Variants in ROS1 observed in about 807,000 individuals in gnomAD.
ROS1 encodes the protein proto-oncogene tyrosine-protein kinase ROS.
A neutral mutation model predicts 273.5 loss-of-function variants in ROS1; 263 were observed. The observed-to-expected ratio is 0.96, with a 90% CI of 0.87 to 1.06. The LOEUF (loss-of-function observed/expected upper bound fraction) is 1.06. Among genes scored for constraint, ROS1 ranks in the 50% least tolerant of loss-of-function variants. ROS1 has a pLI of 0.00. For missense variants in ROS1, 2,833 were observed against 2,751.1 expected, an observed-to-expected ratio of 1.03 and a Z score of -0.67; for synonymous variants, 1,008 against 954.1, an observed-to-expected ratio of 1.06 and a Z score of -1.04.
At position 117,337,319 on chromosome 6, in the gene ROS1, G is replaced by C. The variant is rs1400675993; in HGVS notation, c.5083C>G (p.His1695Asp). The change falls in exon 32 of 44, where the codon CAT becomes GAT. Residue 1695 changes from histidine (H) to aspartate (D), a missense_variant. By Grantham distance (81) the His-to-Asp change is moderately conservative. Transcript: ENST00000368507. ...LQKWKYNEFY[H>D]VKTSCSQGPA... ...CCTTGGCTGCATGAAGTTTTAACAT[G>C]GTAAAACTCATTGTATTTCCACTAG... 4.4e-5 allele frequency: 70 copies of C among 1,598,920 alleles called. 1 individual carries two copies. The Admixed American group carries it at 1.2e-3, about 28-fold the overall frequency.
chr6:117,332,065 A>G (rs1471983678), intron 32 of ROS1, among the ~76,000 whole-genome samples: 2 of 152,022 alleles, frequency 1.3e-5, no homozygotes, highest in Non-Finnish European at 2.9e-5. Context: ...AGGAGTCAAG[A>G]CCCATTGGTG....
chr6:117,301,009 G>A lies in ROS1; in HGVS notation c.6680C>T (p.Ala2227Val), dbSNP rs748632361. ...LNSIYKSRDE[A>V]NNSGVINESF... The stretch of plus-strand genomic sequence containing the variant: ...TTCATTTATGACTCCACTGTTGTTT[G>A]CTTCATCTCTGGACTTATAAATGCT... Residue 2227 changes from alanine (A) to valine (V), a missense_variant, in exon 43 of 44, where the codon GCA becomes GTA. By Grantham distance (64) the Ala-to-Val change is moderately conservative. Transcript: ENST00000368507. 6.3e-7 allele frequency: 1 copy of A among 1,589,644 alleles called. No homozygotes were observed. The highest frequency in any genetic ancestry group is 8.5e-7 in the Non-Finnish European group (1 of 1,170,816).
At chr6:117,378,344 A>C (rs544945952) in intron 18 of ROS1, among the ~76,000 whole-genome samples, 1 of 152,326 alleles carries the variant, frequency 6.6e-6, no homozygotes, top group East Asian at 1.9e-4. Context: ...AAAAAGAAAA[A>C]CTAGTACACA....
chr6:117,383,423 A>T lies in ROS1; in HGVS notation c.2375T>A (p.Val792Asp), dbSNP rs111621779. The change falls in exon 17 of 44, where the codon GTT becomes GAT. Residue 792 changes from valine (V) to aspartate (D), a missense_variant. Physicochemically the swap from Val to Asp is radical, Grantham distance 152 (BLOSUM62 -3). Coordinates refer to ENST00000368507, the MANE Select transcript of ROS1 (RefSeq NM_001378902.1). ...TGTGGTCCAGTAGAGATATCCACCA[A>T]CTGAATCCACCACCATGTCATTCAC... ...LLVNDMVVDS[V>D]GGYLYWTTLY... 3 of 1,613,992 alleles carry T rather than the reference A, an allele frequency of 1.9e-6. No homozygotes were observed. Among genetic ancestry groups the T allele is most frequent in the Non-Finnish European group, 2.5e-6 (3 of 1,179,896 alleles).
chr6:117,405,242 C>T (rs1774301007), intron 5 of ROS1, among the ~76,000 whole-genome samples: 1 of 152,076 alleles, frequency 6.6e-6, no homozygotes, highest in Admixed American at 6.5e-5. Context: ...AGAAAATTGA[C>T]GCAATTCTCA....
intron 24 of ROS1, 86 bp downstream of exon 24, chr6:117,359,723 C>A: frequency 1.9e-6 from 2 of 1,062,776 alleles, no homozygotes; most frequent in Non-Finnish European, 2.8e-6. Flanking sequence ...ATGACTAAAC[C>A]GTTTTCCAGT....
chr6:117,368,515 C>T (rs2128666015), intron 18 of ROS1, among the ~76,000 whole-genome samples: 1 of 152,212 alleles, frequency 6.6e-6, no homozygotes, highest in African/African-American at 2.4e-5. Flanking sequence ...TATCTCATCT[C>T]TACTACAGAC....
intron 18 of ROS1, among the ~76,000 whole-genome samples, chr6:117,369,120 C>T (rs941012680): frequency 6.6e-6 from 1 of 151,998 alleles, no homozygotes; most frequent in African/African-American, 2.4e-5. Flanking sequence ...TATAAGATGA[C>T]TCTGGAATCC....
In ROS1 at chr6:117,366,260, T is replaced by C; in HGVS notation, c.2613A>G (p.Ala871=). Residue 871 remains alanine (A), a synonymous_variant, in exon 19 of 44, where the codon GCA becomes GCG. Coordinates refer to ENST00000368507, the MANE Select transcript of ROS1 (RefSeq NM_001378902.1). ...GGGAAATTTCAGAAGTACTCCAGGC[T>C]GCAAATTCTGTGATGGTGGTATCCC... ...STGDTTITEF[A]AWSTSEISQN... is the part of the protein sequence containing the mutation. 7.4e-6 allele frequency: 12 copies of C among 1,614,092 alleles called. No individual in the cohort carries two copies. Among genetic ancestry groups the C allele is most frequent in the Non-Finnish European group, 1.0e-5 (12 of 1,179,970 alleles).
In ROS1 at chr6:117,308,933, G is replaced by A. The variant is rs2128546453; in HGVS notation, c.6417-5C>T. On this transcript the variant is annotated splice_region_variant and splice_polypyrimidine_tract_variant and intron_variant, in intron 41 of 43. Transcript: ENST00000368507. ...CAAATCAGAATTCCAAAAGACCTAA[G>A]AATAGTAGAGGGTTTGCTTTAATTA... 1 of 1,611,296 alleles carries A rather than the reference G, an allele frequency of 6.2e-7. No homozygotes were observed. Among genetic ancestry groups the A allele is most frequent in the Non-Finnish European group, 8.5e-7 (1 of 1,178,756 alleles).
chr6:117,356,527 A>G, intron 26 of ROS1, 102 bp downstream of exon 26: 1 of 1,031,502 alleles, frequency 9.7e-7, no homozygotes, highest in East Asian at 2.5e-5. Context: ...AGCAAATATC[A>G]TGTGTATATT....
At chr6:117,391,412 G>A (rs941392421) in intron 12 of ROS1, among the ~76,000 whole-genome samples, 4 of 152,136 alleles carry the variant, frequency 2.6e-5, no homozygotes, top group African/African-American at 9.7e-5. Flanking sequence ...AAGAGATCTG[G>A]TGCATGGGAA....
chr6:117,389,160 A>G (rs1013336187), intron 13 of ROS1, among the ~76,000 whole-genome samples, 190 bp downstream of exon 13: 1 of 152,256 alleles, frequency 6.6e-6, no homozygotes, highest in African/African-American at 2.4e-5. Flanking sequence ...AGAAGTATAG[A>G]GATTCTCCTA....
At chr6:117,417,947 C>T (rs1360599992) in intron 2 of ROS1, among the ~76,000 whole-genome samples, 1 of 152,196 alleles carries the variant, frequency 6.6e-6, no homozygotes, top group African/African-American at 2.4e-5. Context: ...TAATTTTATG[C>T]ATATGTCTGT....
chr6:117,342,425 C>G lies in ROS1; in HGVS notation c.4626G>C (p.Glu1542Asp). Residue 1542 changes from glutamate to aspartate, a missense_variant, in exon 29 of 44, where the codon GAG (glutamate) becomes GAC (aspartate). Glu to Asp is a conservative substitution (Grantham distance 45). Coordinates refer to ENST00000368507, the MANE Select transcript of ROS1 (RefSeq NM_001378902.1). Reference sequence around the variant, plus strand: ...CTCCATTTTTAGTTTTTCCCCAAATCTCTTTTCCTGGTGGTAAATGTTCCA... The same window carrying G: ...CTCCATTTTTAGTTTTTCCCCAAATGTCTTTTCCTGGTGGTAAATGTTCCA... ...DPLEHLPPGK[E>D]IWGKTKNGVP... The G allele has an allele frequency of 6.2e-7, 1 of 1,612,100 alleles. No individual in the cohort carries two copies. Among genetic ancestry groups the G allele is most frequent in the Non-Finnish European group, 8.5e-7 (1 of 1,179,174 alleles).
chr6:117,293,180 G>A (rs926577364), intron 43 of ROS1, among the ~76,000 whole-genome samples: 4 of 152,084 alleles, frequency 2.6e-5, no homozygotes, highest in African/African-American at 7.2e-5. Context: ...TGTAGACTTG[G>A]CATCCTTCCT....
chr6:117,323,903 T>C (rs1429744859), intron 35 of ROS1, among the ~76,000 whole-genome samples: 1 of 152,152 alleles, frequency 6.6e-6, no homozygotes, highest in Non-Finnish European at 1.5e-5. Context: ...CCTGTCTGCT[T>C]AGAAACCAAA....
At chr6:117,329,572 G>T (rs2128594084) in intron 32 of ROS1, 126 bp from the exon 33 acceptor site, 1 of 582,776 alleles carries the variant, frequency 1.7e-6, no homozygotes, top group Admixed American at 3.2e-5. Flanking sequence ...GCGGGGCCAA[G>T]ATGGCCGACT....
rs1774257930 is a variant in ROS1, at chr6:117,404,707, G to C, written c.317-279C>G. ...ACAGGCAGATGACACAGAGGGTTCT[G>C]AGCTGTCCAGTTTTCTCTTTCAATA... On this transcript the variant is annotated intron_variant, in intron 5 of 43. Transcript: ENST00000368507. Among the ~76,000 whole-genome samples, 3 of 152,144 alleles carry C rather than the reference G, an allele frequency of 2.0e-5. No individual in the cohort carries two copies. In the South Asian group the frequency reaches 6.2e-4, roughly 32 times the overall value.
Sources: allele counts gnomAD v4.1 joint callset (sites outside exome capture counted in the v4.1 genomes callset), GRCh38; gene constraint gnomAD v4.1.1; transcripts MANE v1.5; gene names NCBI Gene and HGNC (gene_info 2026-07-23, HGNC 2026-07-21).